DNAJC11: variants seen among roughly 807,000 people sequenced by gnomAD.
The protein encoded by DNAJC11 is DnaJ heat shock protein family (Hsp40) member C11.
In DNAJC11, 15 loss-of-function variants were observed where a neutral mutation model predicts 78.6. The ratio of observed to expected loss-of-function variants is 0.19; its 90% CI spans 0.13 to 0.29. The LOEUF (loss-of-function observed/expected upper bound fraction) is 0.29. Among genes scored for constraint, DNAJC11 ranks in the 10% least tolerant of loss-of-function variants. The pLI is 1.00. For synonymous variants in DNAJC11, 292 were observed against 272.1 expected (o/e 1.07, Z -0.72); for missense variants, 547 against 709.6 (o/e 0.77, Z 2.60).
chr1:6,687,930 C>T (rs749915929), intron 1 of DNAJC11, among the ~76,000 whole-genome samples: 6 of 152,062 alleles, frequency 3.9e-5, no homozygotes, highest in Admixed American at 6.6e-5. Flanking sequence ...CCTGTATCTA[C>T]GGTACAAATG....
At chr1:6,648,040 C>T (rs1268743618) in intron 7 of DNAJC11, among the ~76,000 whole-genome samples, 2 of 152,168 alleles carry the variant, frequency 1.3e-5, no homozygotes, top group Admixed American at 6.5e-5. Context: ...CAGAACAAAA[C>T]GGCCAAAAGA....
intron 6 of DNAJC11, 23 bp downstream of exon 6, chr1:6,652,806 A>G: frequency 6.2e-7 from 1 of 1,613,954 alleles, no homozygotes; most frequent in Non-Finnish European, 8.5e-7. Context: ...AGACAACACA[A>G]CTCAGCCAAT....
At chr1:6,639,780 A>G (rs1017573075) in intron 11 of DNAJC11, 122 bp downstream of exon 11, 5 of 1,066,376 alleles carry the variant, frequency 4.7e-6, no homozygotes, top group Non-Finnish European at 3.9e-6. Context: ...CTTTACATGC[A>G]TTACTTAATT....
At chr1:6,651,967 G>C (rs907711209) in intron 6 of DNAJC11, among the ~76,000 whole-genome samples, 2 of 151,456 alleles carry the variant, frequency 1.3e-5, no homozygotes, top group Non-Finnish European at 2.9e-5. Flanking sequence ...CTGCGGTCCG[G>C]TGTGCCCCCC....
At chr1:6,691,085 C>T (rs948014795) in intron 1 of DNAJC11, among the ~76,000 whole-genome samples, 1 of 149,688 alleles carries the variant, frequency 6.7e-6, no homozygotes, top group Non-Finnish European at 1.5e-5. Context: ...TTCTACTTAA[C>T]ACAGAGTTAA....
intron 1 of DNAJC11, among the ~76,000 whole-genome samples, chr1:6,690,690 T>A (rs896458271): frequency 6.6e-6 from 1 of 152,142 alleles, no homozygotes; most frequent in African/African-American, 2.4e-5. Context: ...TTTGGGAGGC[T>A]GAGGTGGGCG....
At chr1:6,636,054 T>C in intron 15 of DNAJC11, 63 bp downstream of exon 15, 2 of 1,553,566 alleles carry the variant, frequency 1.3e-6, no homozygotes, top group South Asian at 2.5e-5. Flanking sequence ...GCCCACACAC[T>C]GAGCAGCCGC....
chr1:6,663,715 G>C (rs1642253039), intron 4 of DNAJC11, among the ~76,000 whole-genome samples: 1 of 152,130 alleles, frequency 6.6e-6, no homozygotes, highest in Non-Finnish European at 1.5e-5. Flanking sequence ...GGGCCCTAAA[G>C]ACACTGGGAC....
Position 6,635,513 on chromosome 1 carries a change from T to C in DNAJC11, c.*162A>G, listed in dbSNP as rs1641745372. 1.3e-6 allele frequency: 1 copy of C among 756,344 alleles called. No individual in the cohort carries two copies. The highest frequency in any genetic ancestry group is 2.1e-6 in the Non-Finnish European group (1 of 470,512). The allele number at this position is 756,344 out of a possible 1,614,324, so 46.9% of individuals were successfully genotyped here. ...TCCTACCCCCAGCACCCTCAAAAGC[T>C]GGGGTGTCTGCATGTCCCTTCACAT... On this transcript the variant is annotated 3_prime_UTR_variant, in exon 16 of 16. Coordinates refer to ENST00000377577, the MANE Select transcript of DNAJC11 (RefSeq NM_018198.4).
chr1:6,683,724 C>T (rs539184484), intron 1 of DNAJC11, among the ~76,000 whole-genome samples: 9 of 152,320 alleles, frequency 5.9e-5, no homozygotes, highest in South Asian at 4.1e-4. Context: ...GCATGGATAA[C>T]GGAAACATTC....
chr1:6,651,398 C>T (rs536151372), intron 7 of DNAJC11, 131 bp downstream of exon 7: 1 of 777,888 alleles, frequency 1.3e-6, no homozygotes, highest in South Asian at 1.6e-5. Flanking sequence ...GCTATACCTG[C>T]CCTTGATGTA....
At position 6,701,177 on chromosome 1, in the gene DNAJC11, G is replaced by A. The variant is rs748700696; in HGVS notation, c.72+552C>T. Among the ~76,000 whole-genome samples, 8 of 152,312 alleles carry A rather than the reference G, an allele frequency of 5.3e-5. No individual in the cohort carries two copies. In the East Asian group the frequency reaches 7.7e-4, roughly 15 times the overall value. ...GCAATTTCTGGACATCGGGTCCAGG[G>A]GAATGAAAGAGGGCATGAGACGCAT... On this transcript the variant is annotated intron_variant, in intron 1 of 15. Transcript: ENST00000377577.
chr1:6,697,990 C>T (rs926684019), intron 1 of DNAJC11, among the ~76,000 whole-genome samples: 3 of 152,112 alleles, frequency 2.0e-5, no homozygotes, highest in Non-Finnish European at 4.4e-5. Flanking sequence ...CGGGGTTTCA[C>T]CGTGTTAGTC....
chr1:6,634,722 G>A lies in DNAJC11; in HGVS notation c.*953C>T, dbSNP rs766943704. The A allele has an allele frequency of 4.4e-6, 6 of 1,361,628 alleles. No individual in the cohort carries two copies. Among genetic ancestry groups the A allele is most frequent in the Non-Finnish European group, 5.9e-6 (6 of 1,019,704 alleles). The allele number at this position is 1,361,628 out of a possible 1,614,324, so 84.3% of individuals were successfully genotyped here. ...GAAGGGTCTGAAGGAAGGCTCCGGAGCACAGGCCCTGGTGTTCCTGTGAGG... is the reference window on the plus strand; with the variant it reads ...GAAGGGTCTGAAGGAAGGCTCCGGAACACAGGCCCTGGTGTTCCTGTGAGG... On this transcript the variant is annotated 3_prime_UTR_variant, in exon 16 of 16. Coordinates refer to ENST00000377577, the MANE Select transcript of DNAJC11 (RefSeq NM_018198.4).
chr1:6,675,666 T>C (rs1357888479), intron 3 of DNAJC11, among the ~76,000 whole-genome samples: 1 of 152,196 alleles, frequency 6.6e-6, no homozygotes, highest in Non-Finnish European at 1.5e-5. Flanking sequence ...CAAGTGATTC[T>C]CCTGTGTCAG....
intron 3 of DNAJC11, among the ~76,000 whole-genome samples, chr1:6,677,170 A>C (rs796837818): frequency 2.6e-5 from 4 of 151,624 alleles, no homozygotes; most frequent in South Asian, 2.1e-4. Context: ...AAAAAAAAAA[A>C]AAAACAAAAA....
At chr1:6,658,964 T>A (rs1298269714) in intron 4 of DNAJC11, among the ~76,000 whole-genome samples, 1 of 152,242 alleles carries the variant, frequency 6.6e-6, no homozygotes, top group Non-Finnish European at 1.5e-5. Context: ...GCAAATAGTC[T>A]GTAAGACTTA....
At position 6,680,854 on chromosome 1, in the gene DNAJC11, A is replaced by G; in HGVS notation, c.202+54T>C. On this transcript the variant is annotated intron_variant, in intron 2 of 15. Transcript: ENST00000377577. This position sits in a 1 kb window ranked among gnomAD's most constrained non-coding sequence, Gnocchi z 4.0. Reference sequence around the variant, plus strand: ...TATCCTCTACAAATCGCACCTCCTAAAAATCGAATATCTGTTACCAGGATG... The same window carrying G: ...TATCCTCTACAAATCGCACCTCCTAGAAATCGAATATCTGTTACCAGGATG... 2 of 1,595,560 alleles carry G rather than the reference A, an allele frequency of 1.3e-6. No homozygotes were observed. The highest frequency in any genetic ancestry group is 1.7e-6 in the Non-Finnish European group (2 of 1,167,462).
chr1:6,695,197 G>A (rs1176395269), intron 1 of DNAJC11, among the ~76,000 whole-genome samples: 7 of 150,530 alleles, frequency 4.7e-5, no homozygotes, highest in Admixed American at 2.7e-4. Flanking sequence ...GTCTTGCTAC[G>A]TTATGCCAAC....
Sources: allele counts gnomAD v4.1 joint callset (sites outside exome capture counted in the v4.1 genomes callset), GRCh38; gene constraint gnomAD v4.1.1; non-coding constraint Gnocchi (gnomAD v3.1); transcripts MANE v1.5; gene names NCBI Gene and HGNC (gene_info 2026-07-23, HGNC 2026-07-21).